RNF130: variants seen among roughly 807,000 people sequenced by gnomAD.
The protein encoded by RNF130 is ring finger protein 130.
RNF130 carries 21 observed loss-of-function variants against 44.6 expected under a neutral mutation model. The observed-to-expected ratio is 0.47, with a 90% CI of 0.33 to 0.68. The LOEUF is 0.68. Ranked by LOEUF, RNF130 falls within the 30% of genes least tolerant of loss-of-function variation. The pLI, the probability that RNF130 is intolerant of heterozygous loss-of-function variation, is 0.02. For missense variants in RNF130, 479 were observed against 560.6 expected, an observed-to-expected ratio of 0.85 and a Z score of 1.47; for synonymous variants, 214 against 210.4, an observed-to-expected ratio of 1.02 and a Z score of -0.15.
intron 3 of RNF130, among the ~76,000 whole-genome samples, chr5:179,999,958 G>T (rs866225138): frequency 2.0e-5 from 3 of 152,196 alleles, no homozygotes; most frequent in Middle Eastern, 6.8e-3. Flanking sequence ...TTATCATTAA[G>T]GTTTGGCGGT....
intron 1 of RNF130, among the ~76,000 whole-genome samples, chr5:180,060,188 T>TA (rs1356483688): frequency 6.6e-6 from 1 of 152,174 alleles, no homozygotes; most frequent in Admixed American, 6.5e-5. Context: ...CTGAGGCCAG[T>TA]AAAACTCATT....
At chr5:179,995,365 T>C (rs2113042433) in intron 3 of RNF130, among the ~76,000 whole-genome samples, 1 of 152,070 alleles carries the variant, frequency 6.6e-6, no homozygotes. Flanking sequence ...GGTGCAGGGG[T>C]CCAATTCTAG....
chr5:180,018,948 T>C (rs899526293), intron 2 of RNF130, among the ~76,000 whole-genome samples: 2 of 152,216 alleles, frequency 1.3e-5, no homozygotes, highest in Admixed American at 6.5e-5. Context: ...AAATGAGCTG[T>C]CTGAGGCACC....
At chr5:179,970,862 TG>T (rs1233296538) in intron 5 of RNF130, among the ~76,000 whole-genome samples, 13 of 152,154 alleles carry the variant, frequency 8.5e-5, no homozygotes, top group African/African-American at 2.9e-4. Context: ...CATAGAAAAA[TG>T]GAGTTTCAAA....
intron 7 of RNF130, among the ~76,000 whole-genome samples, chr5:179,922,789 C>G (rs1223824593): frequency 6.6e-6 from 1 of 151,890 alleles, no homozygotes; most frequent in Non-Finnish European, 1.5e-5. Flanking sequence ...CAAAAAGTAG[C>G]CAGGTGTGGT....
intron 1 of RNF130, among the ~76,000 whole-genome samples, chr5:180,054,325 C>T (rs1764756394): frequency 6.6e-6 from 1 of 152,186 alleles, no homozygotes. Flanking sequence ...TTTCTAGGCA[C>T]TTTGCATTAT....
chr5:179,936,098 T>C (rs1433962639), intron 7 of RNF130, among the ~76,000 whole-genome samples: 1 of 152,230 alleles, frequency 6.6e-6, no homozygotes, highest in Non-Finnish European at 1.5e-5. Flanking sequence ...TATTTCTGTT[T>C]GCTGGAAAAT....
intron 2 of RNF130, among the ~76,000 whole-genome samples, chr5:180,034,454 AAT>A (rs2079079443): frequency 6.6e-6 from 1 of 152,254 alleles, no homozygotes; most frequent in South Asian, 2.1e-4. Flanking sequence ...TTTTTCTTTA[AAT>A]ATTTGATAGA....
intron 1 of RNF130, among the ~76,000 whole-genome samples, chr5:180,042,444 G>A (rs1010011251): frequency 5.9e-5 from 9 of 152,138 alleles, no homozygotes; most frequent in East Asian, 1.9e-4. Flanking sequence ...CAAATTAAAC[G>A]GGGATAGAAG....
Position 180,058,311 on chromosome 5 carries a change from A to G in RNF130, c.247+13145T>C, listed in dbSNP as rs552213656. 3.2e-4 allele frequency among the ~76,000 whole-genome samples: 48 copies of G among 152,320 alleles called. No individual in the cohort carries two copies. In the East Asian group the frequency reaches 9.3e-3, roughly 29 times the overall value. On this transcript the variant is annotated intron_variant, in intron 1 of 8. Transcript: ENST00000521389. The stretch of plus-strand genomic sequence containing the variant: ...TTGTGTATTTTTCAGTGTATGTTAC[A>G]GCTGGTAAAAATGTGTGCTAATTTT...
intron 2 of RNF130, among the ~76,000 whole-genome samples, chr5:180,035,218 A>G (rs1764219519): frequency 6.6e-6 from 1 of 152,056 alleles, no homozygotes; most frequent in African/African-American, 2.4e-5. Context: ...ACAAATTCGG[A>G]TGTGTTTTCA....
intron 8 of RNF130, among the ~76,000 whole-genome samples, chr5:179,956,873 A>G (rs1762224780): frequency 6.6e-6 from 1 of 152,248 alleles, no homozygotes; most frequent in Non-Finnish European, 1.5e-5. Context: ...TGCTTGGCAC[A>G]AGCCCGGGAG....
chr5:180,071,601 G>A lies in RNF130; in HGVS notation c.102C>T (p.Tyr34=). The A allele has an allele frequency of 6.6e-7, 1 of 1,508,062 alleles. No individual in the cohort carries two copies. The highest frequency in any genetic ancestry group is 8.9e-7 in the Non-Finnish European group (1 of 1,126,812). 93.4% of individuals were successfully genotyped at this position (1,508,062 alleles called of 1,614,324 possible). The stretch of plus-strand genomic sequence containing the variant: ...CCGTCACGTTGATGAGCGCCGTGTA[G>A]TACTCCTGGCTCGCGTTGTCTGCCC... ...PARADNASQE[Y]YTALINVTVQ... is the part of the protein sequence containing the mutation. Residue 34 remains tyrosine, a synonymous_variant, in exon 1 of 9, where the codon TAC becomes TAT. Transcript: ENST00000521389.
At chr5:180,063,620 G>A (rs777966769) in intron 1 of RNF130, among the ~76,000 whole-genome samples, 4 of 152,208 alleles carry the variant, frequency 2.6e-5, no homozygotes, top group Non-Finnish European at 4.4e-5. Flanking sequence ...CAGGAGGTAC[G>A]TGGAGAGAAA....
At chr5:180,062,944 A>G (rs1432098039) in intron 1 of RNF130, among the ~76,000 whole-genome samples, 2 of 152,228 alleles carry the variant, frequency 1.3e-5, no homozygotes, top group African/African-American at 4.8e-5. Context: ...CAGAGGGCAC[A>G]CACTGTAAAG....
At chr5:179,966,497 T>A (rs962580943) in intron 7 of RNF130, among the ~76,000 whole-genome samples, 7 of 152,086 alleles carry the variant, frequency 4.6e-5, no homozygotes, top group African/African-American at 1.7e-4. Context: ...CCTTCCAACA[T>A]CTCCCTTTAA....
At chr5:179,965,227 GC>G (rs1221719292) in intron 7 of RNF130, among the ~76,000 whole-genome samples, 2 of 152,128 alleles carry the variant, frequency 1.3e-5, no homozygotes, top group Non-Finnish European at 1.5e-5. Context: ...TTTCCACAGT[GC>G]CCCCCTGCAG....
chr5:179,986,808 T>C (rs1243674830), intron 3 of RNF130, among the ~76,000 whole-genome samples: 1 of 152,250 alleles, frequency 6.6e-6, no homozygotes, highest in Non-Finnish European at 1.5e-5. Flanking sequence ...TTATACATGA[T>C]GACATATATT....
chr5:180,055,272 AAAAAAAAAC>A lies in RNF130; in HGVS notation c.248-14634_248-14626del, dbSNP rs1561709643. Among the ~76,000 whole-genome samples the A allele has an allele frequency of 2.8e-3, 54 of 18,950 alleles. 9 individuals are homozygous for A. Among genetic ancestry groups the A allele is most frequent in the African/African-American group, 7.7e-3 (40 of 5,172 alleles). The allele number at this position is 18,950 out of a possible 152,430, so 12.4% of individuals were successfully genotyped here. A position where few individuals can be genotyped will look rare whatever the true frequency, so the allele number is the denominator to read the frequency against. On this transcript the variant is annotated intron_variant, in intron 1 of 8. Transcript: ENST00000521389. Reference sequence around the variant, plus strand: ...TCAAAAAAAAAAAAAAAAAAAAAAAAAAAAAAAACAAAAAAAAACAGCAAACAAACAAAA... The same window carrying A: ...TCAAAAAAAAAAAAAAAAAAAAAAAAAAAAAAAAACAGCAAACAAACAAAA...
Sources: gnomAD v4.1 joint callset for allele counts (sites outside exome capture counted in the v4.1 genomes callset) on GRCh38, gnomAD v4.1.1 for gene constraint, MANE v1.5 for transcripts, NCBI Gene and HGNC (gene_info 2026-07-23, HGNC 2026-07-21) for gene names.